SGPL1: variants seen among roughly 807,000 people sequenced by gnomAD.
The protein encoded by SGPL1 is SP-lyase 1.
In SGPL1, 37 loss-of-function variants were observed where a neutral mutation model predicts 68.9. That is an observed-to-expected ratio of 0.54 (90% CI 0.41 to 0.71). The LOEUF (loss-of-function observed/expected upper bound fraction) is 0.71. SGPL1 is among the 30% of genes least tolerant of loss of function. SGPL1 has a pLI of 0.00. For synonymous variants in SGPL1, 236 were observed against 248.5 expected, an observed-to-expected ratio of 0.95 and a Z score of 0.47; for missense variants, 551 against 704.6, an observed-to-expected ratio of 0.78 and a Z score of 2.47.
At chr10:70,847,180 C>T (rs1409759791) in intron 3 of SGPL1, among the ~76,000 whole-genome samples, 1 of 152,016 alleles carries the variant, frequency 6.6e-6, no homozygotes, top group East Asian at 1.9e-4. Flanking sequence ...CGGAGTCTCA[C>T]TCTGTCACCC....
intron 2 of SGPL1, among the ~76,000 whole-genome samples, chr10:70,828,130 G>C (rs1324891258): frequency 6.6e-6 from 1 of 152,150 alleles, no homozygotes; most frequent in Non-Finnish European, 1.5e-5. Flanking sequence ...TAGAGTTGCT[G>C]TGTGGTAACG....
intron 7 of SGPL1, among the ~76,000 whole-genome samples, chr10:70,861,805 GTTC>G (rs1846062123): frequency 6.6e-6 from 1 of 152,210 alleles, no homozygotes; most frequent in Non-Finnish European, 1.5e-5. Context: ...TGCGGAGGGG[GTTC>G]TAGGTCCCCC....
chr10:70,848,738 A>G (rs1246181100), intron 3 of SGPL1, among the ~76,000 whole-genome samples: 1 of 152,162 alleles, frequency 6.6e-6, no homozygotes, highest in East Asian at 1.9e-4. Flanking sequence ...CTGGGATAAC[A>G]GGCGTGAACC....
chr10:70,862,753 C>G (rs192818863), intron 7 of SGPL1, among the ~76,000 whole-genome samples: 9 of 152,116 alleles, frequency 5.9e-5, no homozygotes, highest in Admixed American at 1.3e-4. Flanking sequence ...AGCGAGACCA[C>G]GAACGCACCA....
chr10:70,832,600 C>A (rs1198517447), intron 2 of SGPL1, among the ~76,000 whole-genome samples: 1 of 152,128 alleles, frequency 6.6e-6, no homozygotes. Context: ...CTAGATCTTG[C>A]TTATTATCCA....
chr10:70,851,905 T>C (rs1270222623), intron 4 of SGPL1, among the ~76,000 whole-genome samples: 1 of 152,208 alleles, frequency 6.6e-6, no homozygotes, highest in Non-Finnish European at 1.5e-5. Context: ...GATCCCAAGT[T>C]GCACAGCGCT....
intron 7 of SGPL1, 136 bp from the exon 8 acceptor site, chr10:70,868,209 A>G (rs1846227562): frequency 4.7e-6 from 3 of 638,476 alleles, no homozygotes; most frequent in South Asian, 4.8e-5. Context: ...TCCTTCTGGA[A>G]GACATGGCAG....
chr10:70,842,994 C>CA (rs1391746325), intron 2 of SGPL1, among the ~76,000 whole-genome samples: 5 of 151,462 alleles, frequency 3.3e-5, no homozygotes, highest in Non-Finnish European at 7.4e-5. Context: ...CACTTTGCCA[C>CA]ATAGAACTTT....
chr10:70,849,844 T>C (rs1353319331), intron 3 of SGPL1, among the ~76,000 whole-genome samples: 2 of 152,230 alleles, frequency 1.3e-5, no homozygotes. Flanking sequence ...TTTGAAGCAG[T>C]ATAGAATCCT....
chr10:70,816,788 A>T, intron 1 of SGPL1, 23 bp from the exon 2 acceptor site: 1 of 1,547,376 alleles, frequency 6.5e-7, no homozygotes. Flanking sequence ...CTAGAAGTAA[A>T]CAAACCTGGT....
chr10:70,851,248 G>A (rs1449234518), intron 4 of SGPL1, 38 bp downstream of exon 4: 1 of 1,471,290 alleles, frequency 6.8e-7, no homozygotes, highest in Non-Finnish European at 9.5e-7. Context: ...TTCCCCTCTT[G>A]ATAATCATAC....
At chr10:70,849,656 A>C (rs578089925) in intron 3 of SGPL1, among the ~76,000 whole-genome samples, 12 of 152,348 alleles carry the variant, frequency 7.9e-5, no homozygotes, top group African/African-American at 2.9e-4. Context: ...GATAGATACA[A>C]AAAGGGGGTG....
intron 13 of SGPL1, among the ~76,000 whole-genome samples, chr10:70,875,854 T>C (rs781563385): frequency 6.6e-6 from 1 of 152,220 alleles, no homozygotes; most frequent in African/African-American, 2.4e-5. Flanking sequence ...CAAATTGCTC[T>C]TATAAAATAC....
intron 2 of SGPL1, among the ~76,000 whole-genome samples, chr10:70,834,456 G>A (rs545629321): frequency 6.6e-5 from 10 of 152,308 alleles, no homozygotes; most frequent in African/African-American, 2.4e-4. Context: ...ACTATAGGTG[G>A]TCTCTAAGGT....
At chr10:70,854,471 G>A (rs1044769999) in intron 4 of SGPL1, among the ~76,000 whole-genome samples, 2 of 152,064 alleles carry the variant, frequency 1.3e-5, no homozygotes, top group African/African-American at 4.8e-5. Context: ...CACCGCGACC[G>A]GCTGAGTGCA....
intron 9 of SGPL1, 23 bp from the exon 10 acceptor site, chr10:70,871,025 T>C (rs749958319): frequency 1.9e-6 from 3 of 1,588,244 alleles, no homozygotes; most frequent in South Asian, 1.1e-5. Flanking sequence ...ATTCTCATTT[T>C]CCTTTAAACT....
At chr10:70,859,769 T>C (rs1453454608) in intron 7 of SGPL1, among the ~76,000 whole-genome samples, 1 of 152,156 alleles carries the variant, frequency 6.6e-6, no homozygotes, top group Non-Finnish European at 1.5e-5. Context: ...CTTCTAGATA[T>C]TTTTATTTTC....
rs749901019 is a variant in SGPL1, at chr10:70,851,132, G to A, written c.194-11G>A. On this transcript the variant is annotated splice_polypyrimidine_tract_variant and intron_variant, in intron 3 of 14. Coordinates refer to ENST00000373202, the MANE Select transcript of SGPL1 (RefSeq NM_003901.4). ...ATTTATTTGAATAAGAGAACCATTT[G>A]TTTCTTTTAGGTTTATGGTCAAGGT... 5 of 1,609,188 alleles carry A rather than the reference G, an allele frequency of 3.1e-6. No homozygotes were observed. The highest frequency in any genetic ancestry group is 4.3e-6 in the Non-Finnish European group (5 of 1,175,640).
chr10:70,851,219 A>T lies in SGPL1; in HGVS notation c.261+9A>T. Reference sequence around the variant, plus strand: ...CCATTATTGGTCGTAAGGTAAGTAGAATCTGTGTATGTCATTTTTTCCCCT... The same window carrying T: ...CCATTATTGGTCGTAAGGTAAGTAGTATCTGTGTATGTCATTTTTTCCCCT... On this transcript the variant is annotated intron_variant, in intron 4 of 14. Transcript: ENST00000373202. The T allele has an allele frequency of 6.2e-7, 1 of 1,603,842 alleles. No individual in the cohort carries two copies. The highest frequency in any genetic ancestry group is 8.5e-7 in the Non-Finnish European group (1 of 1,170,822).
Sources: gnomAD v4.1 joint callset for allele counts (sites outside exome capture counted in the v4.1 genomes callset) on GRCh38, gnomAD v4.1.1 for gene constraint, MANE v1.5 for transcripts, NCBI Gene and HGNC (gene_info 2026-07-23, HGNC 2026-07-21) for gene names.